The following VKORC1L1 variants were observed in gnomAD, a reference collection of about 807,000 sequenced individuals.
VKORC1L1 encodes the protein vitamin K epoxide reductase complex subunit 1L1.
In VKORC1L1, 2 loss-of-function variants were observed where a neutral mutation model predicts 18.9. The observed-to-expected ratio is 0.11, with a 90% CI of 0.04 to 0.33. VKORC1L1 has a LOEUF of 0.33. Ranked by LOEUF, VKORC1L1 falls within the 10% of genes least tolerant of loss-of-function variation. The pLI is 1.00. For synonymous variants in VKORC1L1, 96 were observed against 100.0 expected, an observed-to-expected ratio of 0.96 and a Z score of 0.24; for missense variants, 123 against 224.1, an observed-to-expected ratio of 0.55 and a Z score of 2.88.
intron 1 of VKORC1L1, among the ~76,000 whole-genome samples, chr7:65,917,969 G>A (rs971985199): frequency 2.6e-5 from 4 of 152,166 alleles, no homozygotes; most frequent in Non-Finnish European, 5.9e-5. Flanking sequence ...GCAGGGTCGC[G>A]ATAGGTTAGT....
At chr7:65,921,362 C>T (rs1022833610) in intron 1 of VKORC1L1, among the ~76,000 whole-genome samples, 1 of 152,098 alleles carries the variant, frequency 6.6e-6, no homozygotes, top group East Asian at 1.9e-4. Context: ...TCCATTTCCC[C>T]CCACTGTATT....
intron 1 of VKORC1L1, among the ~76,000 whole-genome samples, chr7:65,903,259 T>C (rs570133002): frequency 6.7e-6 from 1 of 150,338 alleles, no homozygotes; most frequent in Non-Finnish European, 1.5e-5. Flanking sequence ...CTCTGCCTCC[T>C]AGGATCAAGT....
intron 2 of VKORC1L1, among the ~76,000 whole-genome samples, chr7:65,953,573 T>A (rs144731489): frequency 6.6e-6 from 1 of 152,196 alleles, no homozygotes; most frequent in East Asian, 1.9e-4. Flanking sequence ...ACCTGAAAGA[T>A]TGAGAAATCA....
chr7:65,947,986 C>T (rs565841980), intron 1 of VKORC1L1, among the ~76,000 whole-genome samples: 8 of 152,228 alleles, frequency 5.3e-5, no homozygotes, highest in African/African-American at 1.9e-4. Context: ...ACGGGCCCGG[C>T]CCTACATTTA....
intron 1 of VKORC1L1, among the ~76,000 whole-genome samples, chr7:65,946,716 C>T (rs769213990): frequency 5.3e-5 from 8 of 152,046 alleles, no homozygotes; most frequent in South Asian, 4.1e-4. Context: ...GGCAGCACCT[C>T]GTCTGGCTCG....
chr7:65,905,813 A>G (rs1039677235), intron 1 of VKORC1L1, among the ~76,000 whole-genome samples: 3 of 152,136 alleles, frequency 2.0e-5, no homozygotes, highest in African/African-American at 7.2e-5. Flanking sequence ...GTATAAAAAC[A>G]TCGCCACCCA....
intron 1 of VKORC1L1, among the ~76,000 whole-genome samples, chr7:65,929,788 C>T (rs1789830553): frequency 6.7e-6 from 1 of 150,268 alleles, no homozygotes; most frequent in Non-Finnish European, 1.5e-5. Context: ...CCTTGGCCTC[C>T]CAAAGTGCTG....
chr7:65,874,398 A>C (rs1223290091), intron 1 of VKORC1L1, among the ~76,000 whole-genome samples: 1 of 151,884 alleles, frequency 6.6e-6, no homozygotes, highest in Admixed American at 6.5e-5. Flanking sequence ...CGAGACCAGC[A>C]TATTGGTCAG....
chr7:65,959,318 A>G lies in VKORC1L1; in HGVS notation c.*5018A>G, dbSNP rs1790357088. 6.6e-6 allele frequency: 1 copy of G among 152,180 alleles called. No homozygotes were observed. Among genetic ancestry groups the G allele is most frequent in the Non-Finnish European group, 1.5e-5 (1 of 68,028 alleles). 9.4% of individuals were successfully genotyped at this position (152,180 alleles called of 1,614,324 possible). A position where few individuals can be genotyped will look rare whatever the true frequency, so the allele number is the denominator to read the frequency against. The stretch of plus-strand genomic sequence containing the variant: ...AGACTCCAGCTCAAGAAAAAAAACA[A>G]TGGACTGCCCCTAATTTGTAAACCA... On this transcript the variant is annotated 3_prime_UTR_variant, in exon 3 of 3. Transcript: ENST00000360768.
chr7:65,894,683 G>A (rs1345021806), intron 1 of VKORC1L1, among the ~76,000 whole-genome samples: 2 of 152,106 alleles, frequency 1.3e-5, no homozygotes, highest in African/African-American at 2.4e-5. Context: ...AGCCGAGATC[G>A]CACCACTGCA....
chr7:65,943,907 A>T (rs1253251785), intron 1 of VKORC1L1, among the ~76,000 whole-genome samples: 1 of 152,240 alleles, frequency 6.6e-6, no homozygotes, highest in African/African-American at 2.4e-5. Flanking sequence ...TTAGTAACAA[A>T]AATTTAAACA....
intron 1 of VKORC1L1, among the ~76,000 whole-genome samples, chr7:65,889,288 A>C (rs570189100): frequency 5.9e-5 from 9 of 152,258 alleles, no homozygotes; most frequent in African/African-American, 1.9e-4. Flanking sequence ...GCTAATATCT[A>C]ATTGCCTACT....
At chr7:65,897,795 A>G (rs1789241076) in intron 1 of VKORC1L1, among the ~76,000 whole-genome samples, 2 of 151,828 alleles carry the variant, frequency 1.3e-5, no homozygotes, top group Non-Finnish European at 2.9e-5. Flanking sequence ...AATGTATGCT[A>G]TACTTCAATA....
chr7:65,924,623 C>CAACATCTAGCCAAGTAA (rs1789729583), intron 1 of VKORC1L1, among the ~76,000 whole-genome samples: 1 of 152,126 alleles, frequency 6.6e-6, no homozygotes, highest in Non-Finnish European at 1.5e-5. Context: ...TGTAGTTTGC[C>CAACATCTAGCCAAGTAA]AACCTCTAGC....
intron 1 of VKORC1L1, among the ~76,000 whole-genome samples, chr7:65,902,402 C>A (rs867058253): frequency 2.6e-5 from 4 of 152,192 alleles, no homozygotes; most frequent in African/African-American, 7.2e-5. Flanking sequence ...AGTTGAGGCA[C>A]TGCAGATCAG....
chr7:65,913,414 A>G (rs2115583470), intron 1 of VKORC1L1, among the ~76,000 whole-genome samples: 1 of 152,082 alleles, frequency 6.6e-6, no homozygotes, highest in Non-Finnish European at 1.5e-5. Context: ...TCACACACAT[A>G]TAATATTCTG....
Position 65,873,275 on chromosome 7 carries a change from AGGCGGCGGT to A in VKORC1L1, c.-81_-73del, listed in dbSNP as rs1296360600. ...GCGGCGGTGGTGGCGGCGGCGGCGGAGGCGGCGGTGGCGGCGGTGGCGGCTGGGTCGGGC... is the reference window on the plus strand; with the variant it reads ...GCGGCGGTGGTGGCGGCGGCGGCGGAGGCGGCGGTGGCGGCTGGGTCGGGC... On this transcript the variant is annotated 5_prime_UTR_variant, in exon 1 of 3. Coordinates refer to ENST00000360768, the MANE Select transcript of VKORC1L1 (RefSeq NM_173517.6). 1,466 of 949,240 alleles carry A rather than the reference AGGCGGCGGT, an allele frequency of 1.5e-3. 3 individuals carry two copies. The highest frequency in any genetic ancestry group is 9.9e-3 in the African/African-American group (482 of 48,458). 58.8% of individuals were successfully genotyped at this position (949,240 alleles called of 1,614,324 possible).
chr7:65,886,754 G>A (rs1206536301), intron 1 of VKORC1L1, among the ~76,000 whole-genome samples: 1 of 150,530 alleles, frequency 6.6e-6, no homozygotes, highest in Non-Finnish European at 1.5e-5. Context: ...AGCCAGGATG[G>A]TCTCAATCTC....
At chr7:65,908,755 C>G (rs1030104931) in intron 1 of VKORC1L1, among the ~76,000 whole-genome samples, 2 of 143,624 alleles carry the variant, frequency 1.4e-5, no homozygotes, top group South Asian at 4.5e-4. Flanking sequence ...GAGAATTGCT[C>G]GAACCTCAGA....
Sources: allele counts gnomAD v4.1 joint callset (sites outside exome capture counted in the v4.1 genomes callset), GRCh38; gene constraint gnomAD v4.1.1; transcripts MANE v1.5; gene names NCBI Gene and HGNC (gene_info 2026-07-23, HGNC 2026-07-21).